GRM4: variants seen among roughly 807,000 people sequenced by gnomAD.
The protein encoded by GRM4 is glutamate metabotropic receptor 4.
In GRM4, 28 loss-of-function variants were observed where a neutral mutation model predicts 81.7. That is an observed-to-expected ratio of 0.34 (90% CI 0.25 to 0.47). The LOEUF is 0.47. GRM4 is among the 20% of genes least tolerant of loss of function. The pLI, the probability that GRM4 is intolerant of heterozygous loss-of-function variation, is 1.00. For missense variants in GRM4, 948 were observed against 1,290.0 expected (o/e 0.73, Z 4.06); for synonymous variants, 488 against 528.8 (o/e 0.92, Z 1.06).
chr6:34,126,452 A>T (rs1770024786), intron 2 of GRM4, among the ~76,000 whole-genome samples: 1 of 152,042 alleles, frequency 6.6e-6, no homozygotes, highest in African/African-American at 2.4e-5. Flanking sequence ...GTTGGGACAA[A>T]TCTCTAATGA....
At chr6:34,125,472 A>C (rs540850049) in intron 2 of GRM4, among the ~76,000 whole-genome samples, 1 of 152,276 alleles carries the variant, frequency 6.6e-6, no homozygotes, top group Admixed American at 6.5e-5. Context: ...CCAAAAAAAG[A>C]CCCTGGGCTC....
intron 4 of GRM4, chr6:34,061,235 T>C (rs1265395180): frequency 6.6e-6 from 1 of 152,140 alleles, no homozygotes; most frequent in Admixed American, 6.5e-5. Flanking sequence ...TGCCAGATTC[T>C]AGGCAGGGCT....
Position 34,130,943 on chromosome 6 carries a change from C to T in GRM4, c.519+2035G>A, listed in dbSNP as rs1156721570. ...TTCCTGGAGGCTGGGGATCTGTGCC[C>T]CACCCTGCCAGGCTGACAAGGAGGA... On this transcript the variant is annotated intron_variant, in intron 2 of 10. Coordinates refer to ENST00000538487, the MANE Select transcript of GRM4 (RefSeq NM_000841.4). This position sits in a 1 kb window ranked among gnomAD's most constrained non-coding sequence, Gnocchi z 4.1. Among the ~76,000 whole-genome samples, 1 of 152,238 alleles carries T rather than the reference C, an allele frequency of 6.6e-6. No individual in the cohort carries two copies. Among genetic ancestry groups the T allele is most frequent in the Non-Finnish European group, 1.5e-5 (1 of 68,044 alleles).
At position 34,048,576 on chromosome 6, in the gene GRM4, G is replaced by C. The variant is rs902821839; in HGVS notation, c.1169-7828C>G. 4.6e-5 allele frequency among the ~76,000 whole-genome samples: 7 copies of C among 152,084 alleles called. No individual in the cohort carries two copies. Among genetic ancestry groups the C allele is most frequent in the African/African-American group, 1.4e-4 (6 of 41,402 alleles). ...CATTATTCAGCAGCCTCCCTTCAAGGAGCATCTAGCTTTCCACCTTACTAG... is the reference window on the plus strand; with the variant it reads ...CATTATTCAGCAGCCTCCCTTCAAGCAGCATCTAGCTTTCCACCTTACTAG... On this transcript the variant is annotated intron_variant, in intron 6 of 10. Coordinates refer to ENST00000538487, the MANE Select transcript of GRM4 (RefSeq NM_000841.4). The surrounding 1 kb of genome is among the most constrained non-coding windows in gnomAD (Gnocchi z 4.0).
At chr6:34,027,433 C>G (rs537271615) in intron 10 of GRM4, among the ~76,000 whole-genome samples, 4 of 152,100 alleles carry the variant, frequency 2.6e-5, no homozygotes, top group Non-Finnish European at 5.9e-5. Flanking sequence ...AAAGCATGAC[C>G]CTTTCCTGCT....
At chr6:34,028,745 C>G (rs117550569) in intron 9 of GRM4, among the ~76,000 whole-genome samples, 1,701 of 152,284 alleles carry the variant, frequency 0.011, 16 homozygotes, top group East Asian at 0.026. Flanking sequence ...ATGTGGAGGA[C>G]GTGCGCCTGA....
At chr6:34,084,050 G>A (rs1157238158) in intron 3 of GRM4, among the ~76,000 whole-genome samples, 1 of 152,214 alleles carries the variant, frequency 6.6e-6, no homozygotes, top group East Asian at 1.9e-4. Flanking sequence ...AGTTTTCAGT[G>A]GGTGTCTGAG....
At chr6:34,056,426 GTCCT>G in intron 6 of GRM4, 114 bp downstream of exon 6, 1 of 881,724 alleles carries the variant, frequency 1.1e-6, no homozygotes, top group Admixed American at 2.5e-5. Flanking sequence ...CCAACTGCAC[GTCCT>G]GCCACGGCCG....
intron 9 of GRM4, among the ~76,000 whole-genome samples, chr6:34,029,874 C>CA (rs1335891822): frequency 2.6e-5 from 4 of 152,330 alleles, no homozygotes; most frequent in South Asian, 2.1e-4. Flanking sequence ...TGGCCCAGGT[C>CA]AGGCAGAGCT....
At chr6:34,086,987 T>C (rs1767923051) in intron 3 of GRM4, among the ~76,000 whole-genome samples, 5 of 151,996 alleles carry the variant, frequency 3.3e-5, no homozygotes, top group African/African-American at 1.2e-4. Context: ...TAGCCGAGCA[T>C]GGTGGTATAT....
chr6:34,113,516 C>T (rs746175225), intron 2 of GRM4, among the ~76,000 whole-genome samples: 9 of 152,122 alleles, frequency 5.9e-5, no homozygotes, highest in Admixed American at 2.6e-4. Flanking sequence ...AAAACAGATG[C>T]GGGTCCTTGT....
chr6:34,075,667 C>G (rs950280232), intron 3 of GRM4, among the ~76,000 whole-genome samples: 9 of 152,252 alleles, frequency 5.9e-5, no homozygotes, highest in Non-Finnish European at 1.0e-4. Flanking sequence ...GTTCCTTAAT[C>G]TCTCTGAGCC....
intron 3 of GRM4, among the ~76,000 whole-genome samples, chr6:34,071,698 CAG>C (rs368361683): frequency 0.09 from 13,213 of 146,362 alleles, 1,018 homozygotes; most frequent in African/African-American, 0.22. Context: ...ACACACCACA[CAG>C]ATACACACCA....
At position 34,064,520 on chromosome 6, in the gene GRM4, T is replaced by C. The variant is rs1766349008; in HGVS notation, c.737-2492A>G. Among the ~76,000 whole-genome samples, 1 of 152,180 alleles carries C rather than the reference T, an allele frequency of 6.6e-6. No individual in the cohort carries two copies. The highest frequency in any genetic ancestry group is 2.1e-4 in the South Asian group (1 of 4,826). On this transcript the variant is annotated intron_variant, in intron 3 of 10. Coordinates refer to ENST00000538487, the MANE Select transcript of GRM4 (RefSeq NM_000841.4). The surrounding 1 kb of genome is among the most constrained non-coding windows in gnomAD (Gnocchi z 4.4). ...GGGGCTTGTGGGCCCATGGGCATGATGGGGCATGGTGCCCATGCTGGGGTG... is the reference window on the plus strand; with the variant it reads ...GGGGCTTGTGGGCCCATGGGCATGACGGGGCATGGTGCCCATGCTGGGGTG...
chr6:34,044,553 AACAC>A (rs1278795695), intron 6 of GRM4, among the ~76,000 whole-genome samples: 3 of 107,796 alleles, frequency 2.8e-5, no homozygotes, highest in Admixed American at 2.7e-4. Flanking sequence ...CACACACACA[AACAC>A]ACAGACATAC....
chr6:34,153,165 C>T (rs1771080701), intron 1 of GRM4, among the ~76,000 whole-genome samples: 1 of 152,140 alleles, frequency 6.6e-6, no homozygotes, highest in Non-Finnish European at 1.5e-5. Flanking sequence ...CCCAGGGCTC[C>T]CCGACGCACA....
chr6:34,088,553 G>A (rs1280596723), intron 3 of GRM4, among the ~76,000 whole-genome samples: 1 of 152,172 alleles, frequency 6.6e-6, no homozygotes, highest in Non-Finnish European at 1.5e-5. Flanking sequence ...CTGCCCGAAG[G>A]AGCCTGACCT....
In GRM4 at chr6:34,035,681, T is replaced by G; in HGVS notation, c.2429A>C (p.Gln810Pro). ...AFIPIFFGTS[Q>P]SADKLYIQTT... The stretch of plus-strand genomic sequence containing the variant: ...CCCACCACTCACCTTGTCGGCCGAC[T>G]GCGAGGTGCCAAAGAAGATGGGGAT... The change falls in exon 9 of 11, where the codon CAG (glutamine) becomes CCG (proline). Residue 810 changes from glutamine to proline, a missense_variant. Gln to Pro is a moderately conservative substitution (Grantham distance 76). Transcript: ENST00000538487. This position sits in a 1 kb window ranked among gnomAD's most constrained non-coding sequence, Gnocchi z 6.6. 8.5e-7 allele frequency: 1 copy of G among 1,170,698 alleles called. No individual in the cohort carries two copies. The highest frequency in any genetic ancestry group is 1.6e-5 in the African/African-American group (1 of 61,378). 72.5% of individuals were successfully genotyped at this position (1,170,698 alleles called of 1,614,324 possible). A position where few individuals can be genotyped will look rare whatever the true frequency, so the allele number is the denominator to read the frequency against.
chr6:34,076,900 G>A (rs1386031157), intron 3 of GRM4, among the ~76,000 whole-genome samples: 1 of 152,108 alleles, frequency 6.6e-6, no homozygotes, highest in East Asian at 1.9e-4. Context: ...TGGAAGACAG[G>A]AACCAGGTAG....
Sources: gnomAD v4.1 joint callset for allele counts (sites outside exome capture counted in the v4.1 genomes callset) on GRCh38, gnomAD v4.1.1 for gene constraint, Gnocchi (gnomAD v3.1) non-coding constraint, MANE v1.5 for transcripts, NCBI Gene and HGNC (gene_info 2026-07-23, HGNC 2026-07-21) for gene names.